RCSD1: variants seen among roughly 807,000 people sequenced by gnomAD.
The protein encoded by RCSD1 is RCSD domain containing 1.
Under a neutral mutation model 42.5 loss-of-function variants are expected in RCSD1, and 26 were observed. That is an observed-to-expected ratio of 0.61 (90% CI 0.45 to 0.85). The LOEUF (loss-of-function observed/expected upper bound fraction) is 0.85. RCSD1 is among the 40% of genes least tolerant of loss of function. The pLI, the probability that RCSD1 is intolerant of heterozygous loss-of-function variation, is 0.00. For missense variants in RCSD1, 571 were observed against 528.3 expected (o/e 1.08, Z -0.79); for synonymous variants, 220 against 212.2 (o/e 1.04, Z -0.32).
chr1:167,687,036 T>C (rs1659250766), intron 3 of RCSD1, among the ~76,000 whole-genome samples: 1 of 152,180 alleles, frequency 6.6e-6, no homozygotes, highest in Non-Finnish European at 1.5e-5. Context: ...AACAGCTCCA[T>C]CCTGGCAGCT....
chr1:167,654,961 C>T (rs891649338), intron 1 of RCSD1, among the ~76,000 whole-genome samples: 4 of 152,150 alleles, frequency 2.6e-5, no homozygotes, highest in African/African-American at 9.7e-5. Flanking sequence ...CAGCTGGGTC[C>T]TGCAGACCCA....
Position 167,704,671 on chromosome 1 carries a change from C to A in RCSD1, c.1226C>A (p.Thr409Asn). The A allele has an allele frequency of 6.2e-7, 1 of 1,612,744 alleles. No individual in the cohort carries two copies. The highest frequency in any genetic ancestry group is 8.5e-7 in the Non-Finnish European group (1 of 1,178,936). ...TTCCTCCCCTGTTCACAGGATGACA[C>A]TCCTGTCCAGGACACTAAAATGTGA... Reference protein sequence around the residue: ...EPAVPKPEDDTPVQDTKM With the variant: ...EPAVPKPEDDNPVQDTKM The change falls in exon 7 of 7, where the codon ACT (threonine) becomes AAT (asparagine). Residue 409 changes from threonine (T) to asparagine (N), a missense_variant. By Grantham distance (65) the Thr-to-Asn change is moderately conservative. Coordinates refer to ENST00000367854, the MANE Select transcript of RCSD1 (RefSeq NM_052862.4).
At position 167,705,664 on chromosome 1, in the gene RCSD1, T is replaced by C. The variant is rs1659741145; in HGVS notation, c.*968T>C. 2 of 152,222 alleles carry C rather than the reference T, an allele frequency of 1.3e-5. No homozygotes were observed. Among genetic ancestry groups the C allele is most frequent in the African/African-American group, 4.8e-5 (2 of 41,458 alleles). 9.4% of individuals were successfully genotyped at this position (152,222 alleles called of 1,614,324 possible). ...TGCAAGCTACATAATTAAAACATTT[T>C]TCTTAGTTTCCCTGGGAAGCTTTTC... is the stretch of plus-strand genomic sequence containing the variant. On this transcript the variant is annotated 3_prime_UTR_variant, in exon 7 of 7. Transcript: ENST00000367854.
At chr1:167,689,951 A>ACTT (rs1659335234) in intron 3 of RCSD1, 98 bp from the exon 4 acceptor site, 2 of 1,174,274 alleles carry the variant, frequency 1.7e-6, no homozygotes, top group Admixed American at 1.9e-5. Context: ...GGCAACACCA[A>ACTT]CTTCTCTTCT....
At chr1:167,680,761 CT>C (rs1659063087) in intron 1 of RCSD1, among the ~76,000 whole-genome samples, 1 of 152,214 alleles carries the variant, frequency 6.6e-6, no homozygotes, top group South Asian at 2.1e-4. Flanking sequence ...GCTTGAGCTA[CT>C]GTGCCCAGCC....
At chr1:167,670,566 C>G (rs959654165) in intron 1 of RCSD1, among the ~76,000 whole-genome samples, 2 of 152,190 alleles carry the variant, frequency 1.3e-5, no homozygotes, top group African/African-American at 4.8e-5. Context: ...TGCTCACCCT[C>G]CCTGTCTTCA....
At chr1:167,636,545 A>G (rs950248042) in intron 1 of RCSD1, among the ~76,000 whole-genome samples, 16 of 152,174 alleles carry the variant, frequency 1.1e-4, no homozygotes, top group Middle Eastern at 3.4e-3. Context: ...TTAATCATTA[A>G]TGATTCACGG....
intron 6 of RCSD1, among the ~76,000 whole-genome samples, chr1:167,704,309 A>AG (rs34889203): frequency 0.24 from 35,815 of 151,834 alleles, 4,533 homozygotes; most frequent in Middle Eastern, 0.3. Flanking sequence ...TCAGGCATCA[A>AG]GGGTGGGCAG....
At chr1:167,662,117 C>T (rs542344125) in intron 1 of RCSD1, among the ~76,000 whole-genome samples, 26 of 152,192 alleles carry the variant, frequency 1.7e-4, no homozygotes, top group Non-Finnish European at 2.5e-4. Context: ...ATTCTTAGAG[C>T]CCCTGCTTCC....
chr1:167,689,480 C>CAAAAA (rs757551808), intron 3 of RCSD1, among the ~76,000 whole-genome samples: 29 of 82,762 alleles, frequency 3.5e-4, no homozygotes, highest in African/African-American at 1.3e-3. Context: ...GACTCTGTCT[C>CAAAAA]AAAAAAAAAA....
intron 1 of RCSD1, among the ~76,000 whole-genome samples, chr1:167,671,260 A>C (rs1218076531): frequency 6.6e-6 from 1 of 152,180 alleles, no homozygotes; most frequent in Non-Finnish European, 1.5e-5. Flanking sequence ...CTCACTCTAC[A>C]TGTCTAAAAA....
intron 6 of RCSD1, among the ~76,000 whole-genome samples, chr1:167,703,283 C>T (rs1659685949): frequency 6.6e-6 from 1 of 152,142 alleles, no homozygotes; most frequent in African/African-American, 2.4e-5. Flanking sequence ...TCCTCCTTTT[C>T]CCCTTTCCCA....
chr1:167,675,207 G>GGAAAA (rs1553250437), intron 1 of RCSD1, among the ~76,000 whole-genome samples: 5 of 49,148 alleles, frequency 1.0e-4, no homozygotes, highest in African/African-American at 5.3e-4. Context: ...CTCCATCTCG[G>GGAAAA]AAAAAAAAAA....
chr1:167,655,816 C>T (rs1658413319), intron 1 of RCSD1, among the ~76,000 whole-genome samples: 1 of 152,194 alleles, frequency 6.6e-6, no homozygotes, highest in Non-Finnish European at 1.5e-5. Context: ...GATGACAGCC[C>T]TGTAGAACCC....
intron 1 of RCSD1, chr1:167,638,578 A>T (rs542120755): frequency 1.2e-4 from 18 of 152,308 alleles, no homozygotes. Context: ...CAGGCTCCTC[A>T]GCCTGGCCAG....
intron 1 of RCSD1, 53 bp downstream of exon 1, chr1:167,630,482 C>A (rs1037589995): frequency 1.3e-6 from 2 of 1,490,974 alleles, no homozygotes; most frequent in African/African-American, 1.4e-5. Flanking sequence ...GTGTATCGGG[C>A]GCCCCTTCCC....
At position 167,697,134 on chromosome 1, in the gene RCSD1, C is replaced by G; in HGVS notation, c.510C>G (p.Pro170=). ...GGGGCTCAATAAAAAGGCGCCCTCC[C>G]TCCAGGCGATTCCGAAGGTCACAGT... The part of the protein sequence containing the change: ...RTRGSIKRRP[P]SRRFRRSQSD... Residue 170 remains proline, a synonymous_variant, in exon 6 of 7, where the codon CCC becomes CCG. Transcript: ENST00000367854. 6.2e-7 allele frequency: 1 copy of G among 1,614,094 alleles called. No individual in the cohort carries two copies. The highest frequency in any genetic ancestry group is 8.5e-7 in the Non-Finnish European group (1 of 1,179,990).
intron 1 of RCSD1, among the ~76,000 whole-genome samples, chr1:167,637,851 T>A (rs532529894): frequency 5.3e-5 from 8 of 152,064 alleles, no homozygotes; most frequent in African/African-American, 1.9e-4. Context: ...CCCTGAAAAG[T>A]CAGCGTTTCT....
intron 1 of RCSD1, among the ~76,000 whole-genome samples, chr1:167,671,713 G>A (rs950622390): frequency 6.6e-6 from 1 of 152,212 alleles, no homozygotes; most frequent in Non-Finnish European, 1.5e-5. Flanking sequence ...TTACCCTGCA[G>A]CCATAGGCAT....
Sources: allele counts gnomAD v4.1 joint callset (sites outside exome capture counted in the v4.1 genomes callset), GRCh38; gene constraint gnomAD v4.1.1; transcripts MANE v1.5; gene names NCBI Gene and HGNC (gene_info 2026-07-23, HGNC 2026-07-21).